Variants in CELF2 observed in about 807,000 individuals in gnomAD.
The protein encoded by CELF2 is CUG triplet repeat RNA-binding protein 2.
A neutral mutation model predicts 62.6 loss-of-function variants in CELF2; 8 were observed. The ratio of observed to expected loss-of-function variants is 0.13; its 90% confidence interval spans 0.07 to 0.23. The LOEUF (loss-of-function observed/expected upper bound fraction) is 0.23. Ranked by LOEUF, CELF2 falls within the 10% of genes least tolerant of loss-of-function variation. CELF2 has a pLI of 1.00. For missense variants in CELF2, 333 were observed against 671.0 expected, an observed-to-expected ratio of 0.50 and a Z score of 5.56; for synonymous variants, 258 against 250.0, an observed-to-expected ratio of 1.03 and a Z score of -0.30.
the CELF2 span, among the ~76,000 whole-genome samples, chr10:10,571,974 G>A: frequency 3.3e-5 from 5 of 152,228 alleles, no homozygotes; most frequent in East Asian, 1.9e-4. Flanking sequence ...AAGAGAGGGA[G>A]GCAGAACAGT....
the CELF2 span, among the ~76,000 whole-genome samples, chr10:10,762,191 AC>A: frequency 6.6e-6 from 1 of 152,044 alleles, no homozygotes; most frequent in Non-Finnish European, 1.5e-5. Context: ...GACCCAACAA[AC>A]AAGGCAGACA....
At chr10:10,888,260 C>T (rs2061894521) in intron 1 of CELF2, among the ~76,000 whole-genome samples, 1 of 152,188 alleles carries the variant, frequency 6.6e-6, no homozygotes, top group Non-Finnish European at 1.5e-5. Context: ...GACATTCCTT[C>T]TAGGCAAGAC....
intron 1 of CELF2, among the ~76,000 whole-genome samples, chr10:11,050,380 G>C (rs1360901915): frequency 6.6e-6 from 1 of 152,166 alleles, no homozygotes; most frequent in African/African-American, 2.4e-5. Context: ...TTGGGTTTCA[G>C]ATACTTCTGG....
chr10:11,191,591 G>C lies in CELF2; in HGVS notation c.272-25834G>C, dbSNP rs1459637145. ...AGTCACTGAGTAGCAGGGGAGGTTG[G>C]AGCCTGGGGCACCCCATGGCCTGCC... On this transcript the variant is annotated intron_variant, in intron 2 of 12. Transcript: ENST00000633077. This position sits in a 1 kb window ranked among gnomAD's most constrained non-coding sequence, Gnocchi z 4.1. Among the ~76,000 whole-genome samples the C allele has an allele frequency of 6.6e-6, 1 of 152,126 alleles. No individual in the cohort carries two copies. Among genetic ancestry groups the C allele is most frequent in the African/African-American group, 2.4e-5 (1 of 41,402 alleles).
chr10:10,584,020 GC>G, the CELF2 span, among the ~76,000 whole-genome samples: 156 of 151,980 alleles, frequency 1.0e-3, no homozygotes, highest in Non-Finnish European at 1.5e-3. Context: ...ACCGTAGGGG[GC>G]TAAGGCTGTC....
Position 11,157,911 on chromosome 10 carries a change from T to C in CELF2, c.75-7575T>C, listed in dbSNP as rs7918278. On this transcript the variant is annotated intron_variant, in intron 1 of 12. Transcript: ENST00000633077. The surrounding 1 kb of genome is among the most constrained non-coding windows in gnomAD (Gnocchi z 4.9). ...CTTGAGAAGCACAGTCACCACAACC[T>C]AGTCTGCAGGGAATCAGATGTCGTG... 0.25 allele frequency among the ~76,000 whole-genome samples: 37,659 copies of C among 152,192 alleles called. 5,887 individuals are homozygous for C. The highest frequency in any genetic ancestry group is 0.44 in the African/African-American group (18,185 of 41,482).
At position 10,856,869 on chromosome 10, in the gene CELF2, G is replaced by A. The variant is rs563256977; in HGVS notation, c.53+58052G>A. Among the ~76,000 whole-genome samples, 5 of 152,192 alleles carry A rather than the reference G, an allele frequency of 3.3e-5. No individual in the cohort carries two copies. The East Asian group carries it at 9.7e-4, about 29-fold the overall frequency. The stretch of plus-strand genomic sequence containing the variant: ...CTGAACTTTCATTTTCATGCTTGAT[G>A]GAGAAATTAGTACCAGACTTGCTCT... On this transcript the variant is annotated intron_variant, in intron 1 of 13. Transcript: ENST00000636488.
At chr10:10,735,537 G>A in the CELF2 span, among the ~76,000 whole-genome samples, 14 of 152,166 alleles carry the variant, frequency 9.2e-5, no homozygotes, top group Non-Finnish European at 1.3e-4. Context: ...AAAACAGGAC[G>A]TCGAGAAACA....
chr10:10,697,357 G>C, the CELF2 span, among the ~76,000 whole-genome samples: 6 of 152,162 alleles, frequency 3.9e-5, no homozygotes, highest in African/African-American at 1.4e-4. Context: ...TTGTCAATAA[G>C]GAGGGCCCCA....
the CELF2 span, among the ~76,000 whole-genome samples, chr10:10,495,444 T>C: frequency 6.6e-6 from 1 of 152,164 alleles, no homozygotes; most frequent in East Asian, 1.9e-4. Flanking sequence ...TATTTAGACA[T>C]TGCCCCTTTA....
the CELF2 span, among the ~76,000 whole-genome samples, chr10:10,781,079 CA>C: frequency 2.0e-5 from 3 of 151,368 alleles, no homozygotes; most frequent in South Asian, 2.1e-4. Flanking sequence ...ACCCACTTAC[CA>C]AAAAAAAGGT....
At position 10,983,083 on chromosome 10, in the gene CELF2, G is replaced by A. The variant is rs1311694164; in HGVS notation, c.89+63084G>A. 1.3e-5 allele frequency among the ~76,000 whole-genome samples: 2 copies of A among 151,868 alleles called. No homozygotes were observed. The highest frequency in any genetic ancestry group is 1.9e-4 in the East Asian group (1 of 5,180). On this transcript the variant is annotated intron_variant, in intron 2 of 13. Transcript: ENST00000636488. The surrounding 1 kb of genome is among the most constrained non-coding windows in gnomAD (Gnocchi z 5.2). ...CTTGGAGGTTGCATCTTCTCAATCCGGTAATTAGCTGAAGTGCTACATTTT... is the reference window on the plus strand; with the variant it reads ...CTTGGAGGTTGCATCTTCTCAATCCAGTAATTAGCTGAAGTGCTACATTTT...
chr10:10,751,269 T>C, the CELF2 span, among the ~76,000 whole-genome samples: 1 of 152,222 alleles, frequency 6.6e-6, no homozygotes, highest in East Asian at 1.9e-4. Context: ...TACAAGCATT[T>C]ATGCCAAATG....
chr10:10,918,856 C>G (rs2064591531), intron 1 of CELF2, among the ~76,000 whole-genome samples: 1 of 151,428 alleles, frequency 6.6e-6, no homozygotes, highest in South Asian at 2.1e-4. Context: ...CCTAAGAATT[C>G]CACCTTTAAT....
the CELF2 span, among the ~76,000 whole-genome samples, chr10:10,678,996 C>G: frequency 5.9e-5 from 9 of 152,152 alleles, no homozygotes; most frequent in Non-Finnish European, 1.3e-4. Context: ...CCAATATTCC[C>G]TCACATGGCC....
chr10:10,678,151 A>G, the CELF2 span, among the ~76,000 whole-genome samples: 1 of 152,158 alleles, frequency 6.6e-6, no homozygotes, highest in Non-Finnish European at 1.5e-5. Context: ...TATTGCCTGT[A>G]AAATTACTTT....
intron 1 of CELF2, among the ~76,000 whole-genome samples, chr10:10,824,707 A>C (rs1287941846): frequency 6.6e-6 from 1 of 152,250 alleles, no homozygotes; most frequent in Non-Finnish European, 1.5e-5. Flanking sequence ...CTGTTGCTGC[A>C]CAGACTGTGC....
the CELF2 span, among the ~76,000 whole-genome samples, chr10:10,686,051 G>C: frequency 6.6e-6 from 1 of 152,108 alleles, no homozygotes; most frequent in Non-Finnish European, 1.5e-5. Flanking sequence ...TCAGGACCGT[G>C]CTGCTTAATG....
intron 4 of CELF2, among the ~76,000 whole-genome samples, chr10:11,253,431 G>A (rs2077728474): frequency 1.3e-5 from 2 of 152,176 alleles, no homozygotes; most frequent in Non-Finnish European, 2.9e-5. Flanking sequence ...ATTAAAAATA[G>A]GAATCATGGG....
Sources: gnomAD v4.1 joint callset for allele counts (sites outside exome capture counted in the v4.1 genomes callset) on GRCh38, gnomAD v4.1.1 for gene constraint, Gnocchi (gnomAD v3.1) non-coding constraint, MANE v1.5 for transcripts, NCBI Gene and HGNC (gene_info 2026-07-23, HGNC 2026-07-21) for gene names.